LRP8: variants seen among roughly 807,000 people sequenced by gnomAD.
LRP8 encodes the protein LDL receptor related protein 8, also known as low-density lipoprotein receptor-related protein 8.
LRP8 carries 46 observed loss-of-function variants against 111.6 expected under a neutral mutation model. The observed-to-expected ratio is 0.41, with a 90% CI of 0.33 to 0.53. LRP8 has a LOEUF of 0.53. Among genes scored for constraint, LRP8 ranks in the 20% least tolerant of loss-of-function variants. LRP8 has a pLI of 0.20. For synonymous variants in LRP8, 464 were observed against 511.2 expected (o/e 0.91, Z 1.24); for missense variants, 959 against 1,297.4 (o/e 0.74, Z 4.01).
chr1:53,326,287 C>CGGGGCA (rs1371008121), intron 2 of LRP8, among the ~76,000 whole-genome samples: 1 of 152,228 alleles, frequency 6.6e-6, no homozygotes, highest in Admixed American at 6.5e-5. Flanking sequence ...GGGGCGGGGC[C>CGGGGCA]GGGGCAGGGC....
rs889310687 is a variant in LRP8 at position 53,244,343 on chromosome 1, C to T, written c.*2675G>A. On this transcript the variant is annotated 3_prime_UTR_variant, in exon 19 of 19. Transcript: ENST00000306052. ...CCCCCTTGGCATTGTCTCTGAGCTT[C>T]CTTCCAGCTCTATAGTCCAGTGACT... The T allele has an allele frequency of 6.6e-6, 1 of 152,212 alleles. No individual in the cohort carries two copies. Among genetic ancestry groups the T allele is most frequent in the African/African-American group, 2.4e-5 (1 of 41,462 alleles). The allele number at this position is 152,212 out of a possible 1,614,324, so 9.4% of individuals were successfully genotyped here.
At chr1:53,318,737 A>G (rs1168727710) in intron 2 of LRP8, among the ~76,000 whole-genome samples, 2 of 152,190 alleles carry the variant, frequency 1.3e-5, no homozygotes, top group Non-Finnish European at 2.9e-5. Flanking sequence ...TGTTATTGCC[A>G]TAGAAAGCCA....
Position 53,266,635 on chromosome 1 carries a change from G to A in LRP8, c.1265C>T (p.Pro422Leu). 1 of 1,613,970 alleles carries A rather than the reference G, an allele frequency of 6.2e-7. No individual in the cohort carries two copies. Among genetic ancestry groups the A allele is most frequent in the Non-Finnish European group, 8.5e-7 (1 of 1,179,920 alleles). Residue 422 changes from proline (P) to leucine (L), a missense_variant, in exon 9 of 19, where the codon CCA becomes CTA. Physicochemically the swap from Pro to Leu is moderately conservative, Grantham distance 98 (BLOSUM62 -3). Transcript: ENST00000306052. The surrounding 1 kb of genome is among the most constrained non-coding windows in gnomAD (Gnocchi z 5.0). ...GTGCCGGTTGGTGAAGATTAGGGAT[G>A]GGCTCTTGCCAGCTGTCATGCAGGG... ...KNCKAAAGKS[P>L]SLIFTNRHEV...
chr1:53,258,090 T>C (rs1646171070), intron 14 of LRP8: 1 of 365,398 alleles, frequency 2.7e-6, no homozygotes, highest in South Asian at 6.6e-5. Context: ...TTTAAAATGT[T>C]TTATGTATAT....
In LRP8 at chr1:53,266,513, G is replaced by A. The variant is rs778615945; in HGVS notation, c.1387C>T (p.Arg463Cys). The change falls in exon 9 of 19, where the codon CGC (arginine) becomes TGC (cysteine). Residue 463 changes from arginine to cysteine, a missense_variant. Arg to Cys is a radical substitution (Grantham distance 180, BLOSUM62 -3). Coordinates refer to ENST00000306052, the MANE Select transcript of LRP8 (RefSeq NM_004631.5). The surrounding 1 kb of genome is among the most constrained non-coding windows in gnomAD (Gnocchi z 5.0). ...VALDVEVATN[R>C]IYWCDLSYRK... ...TAGGAGAGGTCACACCAGTAGATGC[G>A]ATTGGTGGCAACTTCCACATCTAGT... 24 of 1,614,084 alleles carry A rather than the reference G, an allele frequency of 1.5e-5. No homozygotes were observed. Among genetic ancestry groups the A allele is most frequent in the Admixed American group, 1.2e-4 (7 of 60,006 alleles).
chr1:53,281,903 C>A (rs1000058365), intron 3 of LRP8, among the ~76,000 whole-genome samples: 3 of 152,232 alleles, frequency 2.0e-5, no homozygotes, highest in African/African-American at 7.2e-5. Flanking sequence ...TATTTGAGCA[C>A]TGCTGTGTGA....
rs993752866 is a variant in LRP8, at chr1:53,246,947, C to T, written c.*71G>A. 2.2e-5 allele frequency: 30 copies of T among 1,358,396 alleles called. No individual in the cohort carries two copies. In the African/African-American group the frequency reaches 3.9e-4, roughly 18 times the overall value. The allele number at this position is 1,358,396 out of a possible 1,614,324, so 84.1% of individuals were successfully genotyped here. ...ACCCATATATAGAAACCCATTCATC[C>T]AGTCATACACCATCCAGAGTGTAGT... On this transcript the variant is annotated 3_prime_UTR_variant, in exon 19 of 19. Transcript: ENST00000306052.
chr1:53,248,123 T>C (rs1206326185), intron 18 of LRP8, among the ~76,000 whole-genome samples: 1 of 152,174 alleles, frequency 6.6e-6, no homozygotes, highest in Non-Finnish European at 1.5e-5. Flanking sequence ...TAACAACACA[T>C]AGGGCCCAGA....
intron 2 of LRP8, among the ~76,000 whole-genome samples, chr1:53,326,433 CA>C (rs982791888): frequency 6.6e-5 from 10 of 152,216 alleles, no homozygotes; most frequent in African/African-American, 2.4e-4. Flanking sequence ...CATTCATTCA[CA>C]AAAACTGAGC....
At chr1:53,319,154 G>A (rs906521715) in intron 2 of LRP8, among the ~76,000 whole-genome samples, 1 of 152,038 alleles carries the variant, frequency 6.6e-6, no homozygotes, top group Non-Finnish European at 1.5e-5. Flanking sequence ...CTCCTGCACC[G>A]CCTGCCTCCC....
Position 53,280,730 on chromosome 1 carries a change from G to C in LRP8, c.368-15C>G. 1 of 1,609,770 alleles carries C rather than the reference G, an allele frequency of 6.2e-7. No homozygotes were observed. The highest frequency in any genetic ancestry group is 1.1e-5 in the South Asian group (1 of 91,066). ...CACCTGCTTGGCTGTGGAGACAGAC[G>C]TCCATGCATAGCTTAGCCAAGGGGG... On this transcript the variant is annotated splice_polypyrimidine_tract_variant and intron_variant, in intron 3 of 18. Transcript: ENST00000306052.
chr1:53,313,401 T>C (rs955802712), intron 2 of LRP8, among the ~76,000 whole-genome samples: 1 of 123,662 alleles, frequency 8.1e-6, no homozygotes, highest in Non-Finnish European at 1.8e-5. Flanking sequence ...CAGTGCACAC[T>C]CGGAGCCCAG....
At chr1:53,313,285 C>A (rs1341369454) in intron 2 of LRP8, among the ~76,000 whole-genome samples, 1 of 152,200 alleles carries the variant, frequency 6.6e-6, no homozygotes, top group Non-Finnish European at 1.5e-5. Flanking sequence ...GGAGCTGGGA[C>A]CCAAAGGCTC....
Position 53,262,343 on chromosome 1 carries a change from C to T in LRP8, c.1774+103G>A, listed in dbSNP as rs964110504. 5.4e-5 allele frequency: 82 copies of T among 1,518,676 alleles called. No individual in the cohort carries two copies. The highest frequency in any genetic ancestry group is 3.8e-5 in the Non-Finnish European group (42 of 1,102,574). The allele number at this position is 1,518,676 out of a possible 1,614,324, so 94.1% of individuals were successfully genotyped here. A position where few individuals can be genotyped will look rare whatever the true frequency, so the allele number is the denominator to read the frequency against. On this transcript the variant is annotated intron_variant, in intron 11 of 18. Coordinates refer to ENST00000306052, the MANE Select transcript of LRP8 (RefSeq NM_004631.5). This position sits in a 1 kb window ranked among gnomAD's most constrained non-coding sequence, Gnocchi z 4.8. ...CGGCAACCATTAGGAAACAAAGTCA[C>T]TGGCACCATGAGAGGACCCAGAAAC...
chr1:53,272,612 C>A, intron 6 of LRP8: 2 of 1,289,846 alleles, frequency 1.6e-6, no homozygotes, highest in Non-Finnish European at 2.0e-6. Context: ...ACCCCTGGGC[C>A]TCCTCCTGTT....
Position 53,249,641 on chromosome 1 carries a change from C to T in LRP8, c.2677-85G>A. 6.9e-7 allele frequency: 1 copy of T among 1,455,062 alleles called. No homozygotes were observed. Among genetic ancestry groups the T allele is most frequent in the Non-Finnish European group, 9.1e-7 (1 of 1,103,162 alleles). The allele number at this position is 1,455,062 out of a possible 1,614,324, so 90.1% of individuals were successfully genotyped here. ...CTGTATAACAGTGACACCTGCTGTG[C>T]CACTTTGTGGTCCTCATTCCCCCAA... is the stretch of plus-strand genomic sequence containing the variant. On this transcript the variant is annotated intron_variant, in intron 17 of 18. Coordinates refer to ENST00000306052, the MANE Select transcript of LRP8 (RefSeq NM_004631.5). The surrounding 1 kb of genome is among the most constrained non-coding windows in gnomAD (Gnocchi z 4.1).
chr1:53,266,601 C>T lies in LRP8; in HGVS notation c.1299G>A (p.Arg433=). The T allele has an allele frequency of 1.9e-6, 3 of 1,614,198 alleles. No homozygotes were observed. The highest frequency in any genetic ancestry group is 1.1e-5 in the South Asian group (1 of 91,084). The change falls in exon 9 of 19, where the codon CGG becomes CGA. Residue 433 remains arginine, a synonymous_variant. Coordinates refer to ENST00000306052, the MANE Select transcript of LRP8 (RefSeq NM_004631.5). This position sits in a 1 kb window ranked among gnomAD's most constrained non-coding sequence, Gnocchi z 5.0. ...SLIFTNRHEV[R]RIDLVKRNYS... ...AGTTCCGCTTCACCAGGTCGATCCT[C>T]CGCACCTCGTGCCGGTTGGTGAAGA...
chr1:53,327,065 C>G, intron 1 of LRP8, 73 bp from the exon 2 acceptor site: 2 of 1,569,790 alleles, frequency 1.3e-6, no homozygotes, highest in Non-Finnish European at 1.7e-6. Flanking sequence ...CCGGGCCACC[C>G]GGAAGGACCC....
intron 2 of LRP8, among the ~76,000 whole-genome samples, chr1:53,297,606 G>C (rs1479827109): frequency 6.6e-6 from 1 of 152,192 alleles, no homozygotes; most frequent in East Asian, 1.9e-4. Flanking sequence ...TGAGGAGGAG[G>C]GAGACACACG....
Sources: allele counts gnomAD v4.1 joint callset (sites outside exome capture counted in the v4.1 genomes callset), GRCh38; gene constraint gnomAD v4.1.1; non-coding constraint Gnocchi (gnomAD v3.1); transcripts MANE v1.5; gene names NCBI Gene and HGNC (gene_info 2026-07-23, HGNC 2026-07-21).